The following CAST variants were observed in gnomAD, a reference collection of about 807,000 sequenced individuals.
CAST encodes the protein calpastatin.
Under a neutral mutation model 119.6 loss-of-function variants are expected in CAST, and 76 were observed. The observed-to-expected ratio is 0.64, with a 90% CI of 0.53 to 0.77. CAST has a LOEUF of 0.77. CAST is among the 30% of genes least tolerant of loss of function. The probability of loss-of-function intolerance (pLI) is 0.00; values close to 1 mark genes in which losing one functional copy is unlikely to be tolerated. For synonymous variants in CAST, 319 were observed against 331.6 expected, an observed-to-expected ratio of 0.96 and a Z score of 0.41; for missense variants, 953 against 946.5, an observed-to-expected ratio of 1.01 and a Z score of -0.09.
the CAST span, among the ~76,000 whole-genome samples, chr5:96,320,857 C>A: frequency 1.3e-5 from 2 of 152,140 alleles, no homozygotes; most frequent in African/African-American, 4.8e-5. Flanking sequence ...CCATCTAAGA[C>A]TTAAAACAGA....
At chr5:95,994,082 G>A in the CAST span, among the ~76,000 whole-genome samples, 1 of 152,138 alleles carries the variant, frequency 6.6e-6, no homozygotes, top group East Asian at 1.9e-4. Flanking sequence ...TCTGCAAAGT[G>A]TTCAACTACT....
chr5:96,571,559 G>A (rs72772005), intron 1 of CAST, among the ~76,000 whole-genome samples: 6,930 of 152,166 alleles, frequency 0.046, 223 homozygotes, highest in African/African-American at 0.087. Context: ...TAACTGAACC[G>A]ACCATTGAAT....
At position 96,620,408 on chromosome 5, in the gene CAST, C is replaced by T. The variant is rs572557096; in HGVS notation, c.61-55131C>T. 6.6e-5 allele frequency among the ~76,000 whole-genome samples: 10 copies of T among 151,802 alleles called. No homozygotes were observed. The South Asian group carries it at 1.9e-3, about 28-fold the overall frequency. On this transcript the variant is annotated intron_variant, in intron 1 of 11. Coordinates refer to the CAST transcript ENST00000505143. ...TTTTGAGTTTTGATCTTTTCTGAGG[C>T]TAGCAGTATGCTTCATGATCTTTCT...
the CAST span, among the ~76,000 whole-genome samples, chr5:96,434,937 C>A: frequency 6.6e-6 from 1 of 152,196 alleles, no homozygotes; most frequent in Non-Finnish European, 1.5e-5. Context: ...TAATGTAACT[C>A]ACATGAGATG....
intron 2 of CAST, among the ~76,000 whole-genome samples, chr5:96,678,829 A>G (rs958182941): frequency 1.9e-4 from 29 of 152,080 alleles, no homozygotes; most frequent in African/African-American, 6.8e-4. Flanking sequence ...CCTGGGTGAC[A>G]GAGCAAGATT....
the CAST span, among the ~76,000 whole-genome samples, chr5:96,116,015 G>T: frequency 1.3e-4 from 19 of 151,128 alleles, no homozygotes; most frequent in African/African-American, 4.1e-4. Flanking sequence ...GGTAATTGTA[G>T]ATAGCTATTA....
At chr5:96,023,652 GGT>G in the CAST span, among the ~76,000 whole-genome samples, 24 of 152,178 alleles carry the variant, frequency 1.6e-4, no homozygotes, top group East Asian at 4.4e-3. Context: ...GTCCTAGAGA[GGT>G]GTAAAATTAT....
chr5:96,679,190 T>G (rs1196546998), intron 2 of CAST: 1 of 152,132 alleles, frequency 6.6e-6, no homozygotes, highest in East Asian at 1.9e-4. Flanking sequence ...ATGTTGAAGC[T>G]AATACATTTG....
chr5:96,735,442 G>A (rs1194625225), intron 9 of CAST, among the ~76,000 whole-genome samples: 1 of 152,160 alleles, frequency 6.6e-6, no homozygotes, highest in African/African-American at 2.4e-5. Context: ...TTTGCCTCTG[G>A]CCATAGAGAA....
At chr5:96,080,187 G>A in the CAST span, among the ~76,000 whole-genome samples, 10 of 152,124 alleles carry the variant, frequency 6.6e-5, no homozygotes, top group African/African-American at 2.2e-4. Flanking sequence ...ATAAATAATA[G>A]TATATACCTT....
At chr5:96,670,661 C>A (rs997737536) in intron 1 of CAST, among the ~76,000 whole-genome samples, 1 of 152,198 alleles carries the variant, frequency 6.6e-6, no homozygotes, top group Admixed American at 6.5e-5. Context: ...CCATGCCCAG[C>A]TAATTTTTGT....
chr5:95,961,771 C>T, the CAST span: 3 of 1,530,946 alleles, frequency 2.0e-6, no homozygotes, highest in East Asian at 2.5e-5. Context: ...CTCTAGCCTC[C>T]ACTGCGGCCG....
upstream of CAST, among the ~76,000 whole-genome samples, chr5:96,524,943 T>G (rs944539427): frequency 6.6e-6 from 1 of 152,242 alleles, no homozygotes; most frequent in Non-Finnish European, 1.5e-5. Context: ...CTGTTGTCTC[T>G]GAGGCTCCAA....
the CAST span, among the ~76,000 whole-genome samples, chr5:96,361,341 G>C: frequency 0.017 from 2,622 of 152,222 alleles, 37 homozygotes; most frequent in Non-Finnish European, 0.026. Context: ...GGAGTGAACA[G>C]TTCTGTTTCG....
At chr5:96,618,172 C>T (rs1374025201) in intron 1 of CAST, among the ~76,000 whole-genome samples, 1 of 152,214 alleles carries the variant, frequency 6.6e-6, no homozygotes, top group Non-Finnish European at 1.5e-5. Context: ...GATTTTCAGG[C>T]AGAAGGTAAA....
At chr5:96,378,436 C>T in the CAST span, among the ~76,000 whole-genome samples, 1 of 152,018 alleles carries the variant, frequency 6.6e-6, no homozygotes, top group Non-Finnish European at 1.5e-5. Flanking sequence ...ATATGTATAT[C>T]AAAACATCAA....
the CAST span, among the ~76,000 whole-genome samples, chr5:96,182,216 C>T: frequency 6.6e-6 from 1 of 152,168 alleles, no homozygotes; most frequent in Non-Finnish European, 1.5e-5. Context: ...GAAGTTGCTT[C>T]CAGAATTCCT....
At chr5:96,408,271 G>A in the CAST span, 1 of 1,614,150 alleles carries the variant, frequency 6.2e-7, no homozygotes, top group Non-Finnish European at 8.5e-7. Flanking sequence ...AGGTGCAGAG[G>A]CCGAGGTGCC....
At chr5:96,227,790 C>T in the CAST span, among the ~76,000 whole-genome samples, 1 of 152,114 alleles carries the variant, frequency 6.6e-6, no homozygotes, top group African/African-American at 2.4e-5. Context: ...AGCCTTGAGG[C>T]TCCCTTTTCC....
Sources: gnomAD v4.1 joint callset for allele counts (sites outside exome capture counted in the v4.1 genomes callset) on GRCh38, gnomAD v4.1.1 for gene constraint, MANE v1.5 for transcripts, NCBI Gene and HGNC (gene_info 2026-07-23, HGNC 2026-07-21) for gene names.